The following HEATR5A variants were observed in gnomAD, a reference collection of about 807,000 sequenced individuals.
HEATR5A encodes the protein HEAT repeat-containing protein 5A.
A neutral mutation model predicts 218.8 loss-of-function variants in HEATR5A; 178 were observed. The observed-to-expected ratio is 0.81, with a 90% CI of 0.72 to 0.92. The LOEUF is 0.92. Ranked by LOEUF, HEATR5A falls within the 40% of genes least tolerant of loss-of-function variation. The pLI, the probability that HEATR5A is intolerant of heterozygous loss-of-function variation, is 0.00. For synonymous variants in HEATR5A, 864 were observed against 871.6 expected (o/e 0.99, Z 0.15); for missense variants, 2,420 against 2,418.9 (o/e 1.00, Z -0.01).
intron 28 of HEATR5A, among the ~76,000 whole-genome samples, chr14:31,311,685 A>AT (rs1899759714): frequency 6.7e-6 from 1 of 150,044 alleles, no homozygotes; most frequent in Admixed American, 6.6e-5. Context: ...ATATATATAT[A>AT]AAAAAGATTA....
chr14:31,318,368 T>G (rs1899976538), intron 25 of HEATR5A, 76 bp from the exon 26 acceptor site: 1 of 1,141,932 alleles, frequency 8.8e-7, no homozygotes, highest in Admixed American at 1.7e-5. Context: ...TAATGTTATT[T>G]TAAAATTATT....
At chr14:31,418,130 C>T (rs2031516766) in intron 1 of HEATR5A, among the ~76,000 whole-genome samples, 1 of 151,658 alleles carries the variant, frequency 6.6e-6, no homozygotes. Context: ...ATCACTTGCA[C>T]CGGGGAGGTA....
At chr14:31,366,283 AC>A (rs1397591919) in intron 13 of HEATR5A, among the ~76,000 whole-genome samples, 1 of 152,190 alleles carries the variant, frequency 6.6e-6, no homozygotes, top group African/African-American at 2.4e-5. Flanking sequence ...CAAAACAAAA[AC>A]AAAAACCTCT....
chr14:31,362,033 C>T (rs1025905296), intron 14 of HEATR5A, among the ~76,000 whole-genome samples: 4 of 151,976 alleles, frequency 2.6e-5, no homozygotes, highest in Middle Eastern at 3.2e-3. Context: ...GGCACGATCT[C>T]GGCTCACTGC....
intron 4 of HEATR5A, among the ~76,000 whole-genome samples, chr14:31,396,404 A>G (rs1214781552): frequency 6.6e-6 from 1 of 151,982 alleles, no homozygotes; most frequent in East Asian, 1.9e-4. Flanking sequence ...AGACTGCACC[A>G]CTGAACTCCA....
chr14:31,313,259 T>A, intron 27 of HEATR5A, 69 bp from the exon 28 acceptor site: 1 of 1,209,050 alleles, frequency 8.3e-7, no homozygotes, highest in South Asian at 1.4e-5. Context: ...AATTTTTATA[T>A]CTTCCTGAAG....
In HEATR5A at chr14:31,347,785, T is replaced by C; in HGVS notation, c.2831A>G (p.Tyr944Cys). The part of the protein sequence containing the change: ...QHLNSCIGIL[Y>C]TLAQDSTSPD... ...AGAAGTGCTGTCCTGCGCCAAAGTA[T>C]AAAGGATTCCAATACAAGAATTTAG... The change falls in exon 19 of 36, where the codon TAT becomes TGT. Residue 944 changes from tyrosine (Y) to cysteine (C), a missense_variant. By Grantham distance (194) the Tyr-to-Cys change is radical. Coordinates refer to ENST00000543095, the MANE Select transcript of HEATR5A (RefSeq NM_015473.4). The C allele has an allele frequency of 1.2e-6, 2 of 1,612,042 alleles. No homozygotes were observed. The highest frequency in any genetic ancestry group is 1.7e-6 in the Non-Finnish European group (2 of 1,179,194).
At chr14:31,363,136 G>A (rs1901681778) in intron 14 of HEATR5A, among the ~76,000 whole-genome samples, 1 of 151,922 alleles carries the variant, frequency 6.6e-6, no homozygotes, top group East Asian at 1.9e-4. Context: ...CTACTCCGGA[G>A]GCTGAGGCAG....
rs538957895 is a variant in HEATR5A at position 31,330,513 on chromosome 14, C to T, written c.3368-4171G>A. On this transcript the variant is annotated intron_variant, in intron 22 of 35. Coordinates refer to ENST00000543095, the MANE Select transcript of HEATR5A (RefSeq NM_015473.4). ...CAAAAAGATTAACATTCGAGGCCAG[C>T]GCCGGTAGCTCACACCTGTAATCCC... 4.6e-5 allele frequency among the ~76,000 whole-genome samples: 7 copies of T among 152,030 alleles called. No individual in the cohort carries two copies. In the South Asian group the frequency reaches 1.0e-3, roughly 23 times the overall value.
chr14:31,394,815 A>G (rs2030594065), intron 5 of HEATR5A, among the ~76,000 whole-genome samples: 1 of 152,196 alleles, frequency 6.6e-6, no homozygotes, highest in African/African-American at 2.4e-5. Flanking sequence ...CTCAAAAAAA[A>G]GAACAAACAA....
intron 27 of HEATR5A, among the ~76,000 whole-genome samples, chr14:31,313,591 AGTGTAC>A (rs1381843542): frequency 6.6e-6 from 1 of 152,220 alleles, no homozygotes; most frequent in African/African-American, 2.4e-5. Context: ...CTCTATAAAA[AGTGTAC>A]ACAAATAGAT....
chr14:31,398,377 T>C (rs2030738929), intron 4 of HEATR5A, among the ~76,000 whole-genome samples: 1 of 152,146 alleles, frequency 6.6e-6, no homozygotes, highest in Non-Finnish European at 1.5e-5. Context: ...TACTATCAAA[T>C]AGAAAAGATG....
In HEATR5A at chr14:31,310,060, C is replaced by T. The variant is rs139799995; in HGVS notation, c.4442-878G>A. ...TACCACTAATTCTTGCCCCTCCTTC[C>T]ATGACTACTTTCCTGAAGCCAGTAA... On this transcript the variant is annotated intron_variant, in intron 28 of 35. Transcript: ENST00000543095. Among the ~76,000 whole-genome samples, 10 of 152,266 alleles carry T rather than the reference C, an allele frequency of 6.6e-5. No homozygotes were observed. The East Asian group carries it at 1.9e-3, about 29-fold the overall frequency.
Position 31,313,196 on chromosome 14 carries a change from A to C in HEATR5A, c.4219-6T>G, listed in dbSNP as rs769152827. On this transcript the variant is annotated splice_region_variant and splice_polypyrimidine_tract_variant and intron_variant, in intron 27 of 35. Coordinates refer to ENST00000543095, the MANE Select transcript of HEATR5A (RefSeq NM_015473.4). Reference sequence around the variant, plus strand: ...TGCACAGCAATTATGTAGACCTGTTAAAGGTTAATTTAAAAACAGGAAAAT... The same window carrying C: ...TGCACAGCAATTATGTAGACCTGTTCAAGGTTAATTTAAAAACAGGAAAAT... The C allele has an allele frequency of 1.3e-6, 2 of 1,596,226 alleles. No individual in the cohort carries two copies. Among genetic ancestry groups the C allele is most frequent in the Non-Finnish European group, 1.7e-6 (2 of 1,168,220 alleles).
At chr14:31,349,501 A>G (rs562344861) in intron 18 of HEATR5A, among the ~76,000 whole-genome samples, 1 of 152,330 alleles carries the variant, frequency 6.6e-6, no homozygotes, top group East Asian at 1.9e-4. Flanking sequence ...ATAAAACTGT[A>G]TAAATATTTC....
intron 9 of HEATR5A, among the ~76,000 whole-genome samples, chr14:31,384,253 G>C (rs908282773): frequency 1.3e-5 from 2 of 151,954 alleles, no homozygotes; most frequent in African/African-American, 4.8e-5. Flanking sequence ...GACCAGTCTG[G>C]GCAACATGAC....
chr14:31,318,230 T>C lies in HEATR5A; in HGVS notation c.4032A>G (p.Ala1344=), dbSNP rs760457897. 5 of 1,613,546 alleles carry C rather than the reference T, an allele frequency of 3.1e-6. No individual in the cohort carries two copies. The highest frequency in any genetic ancestry group is 1.7e-6 in the Non-Finnish European group (2 of 1,179,594). ...SETPPDVTAK[A]CQVCSAWIAS... ...TCATCTTTTAACCATTTACCTGACATGCTTTGGCAGTGACATCAGGTGGTG... is the reference window on the plus strand; with the variant it reads ...TCATCTTTTAACCATTTACCTGACACGCTTTGGCAGTGACATCAGGTGGTG... The change falls in exon 26 of 36, where the codon GCA becomes GCG. Residue 1344 remains alanine (A), a synonymous_variant. Coordinates refer to ENST00000543095, the MANE Select transcript of HEATR5A (RefSeq NM_015473.4).
At chr14:31,388,618 T>A (rs903941628) in intron 7 of HEATR5A, among the ~76,000 whole-genome samples, 1 of 152,136 alleles carries the variant, frequency 6.6e-6, no homozygotes, top group African/African-American at 2.4e-5. Flanking sequence ...TCAAAGAAAA[T>A]TAAAATGTTC....
At position 31,367,227 on chromosome 14, in the gene HEATR5A, C is replaced by T. The variant is rs76191046; in HGVS notation, c.1962-2929G>A. 3.9e-5 allele frequency among the ~76,000 whole-genome samples: 6 copies of T among 151,916 alleles called. No individual in the cohort carries two copies. The South Asian group carries it at 8.3e-4, about 21-fold the overall frequency. On this transcript the variant is annotated intron_variant, in intron 13 of 35. Transcript: ENST00000543095. Reference sequence around the variant, plus strand: ...ATCACAACAAAAATACAAAGAACCTCGGAGTAAATTTTTTAAAAAGACTTA... The same window carrying T: ...ATCACAACAAAAATACAAAGAACCTTGGAGTAAATTTTTTAAAAAGACTTA...
Sources: allele counts gnomAD v4.1 joint callset (sites outside exome capture counted in the v4.1 genomes callset), GRCh38; gene constraint gnomAD v4.1.1; transcripts MANE v1.5; gene names NCBI Gene and HGNC (gene_info 2026-07-23, HGNC 2026-07-21).